Variants in PRRC1 observed in about 807,000 individuals in gnomAD.
The protein encoded by PRRC1 is protein PRRC1.
PRRC1 carries 39 observed loss-of-function variants against 40.7 expected under a neutral mutation model. That is an observed-to-expected ratio of 0.96 (90% CI 0.74 to 1.25). The LOEUF is 1.25. Ranked by LOEUF, PRRC1 falls within the 50% of genes most tolerant of loss-of-function variation. The pLI is 0.00. For missense variants in PRRC1, 573 were observed against 548.3 expected, an observed-to-expected ratio of 1.05 and a Z score of -0.45; for synonymous variants, 175 against 193.3, an observed-to-expected ratio of 0.91 and a Z score of 0.79.
At chr5:127,535,196 C>T (rs1341961030) in intron 6 of PRRC1, among the ~76,000 whole-genome samples, 1 of 152,146 alleles carries the variant, frequency 6.6e-6, no homozygotes, top group East Asian at 1.9e-4. Flanking sequence ...CATACATGCA[C>T]ATATTTTTGA....
chr5:127,547,739 T>C, intron 7 of PRRC1, 80 bp from the exon 8 acceptor site: 3 of 887,950 alleles, frequency 3.4e-6, no homozygotes, highest in Non-Finnish European at 5.4e-6. Flanking sequence ...TGAATAATAG[T>C]ACTTGTTTTT....
In PRRC1 at chr5:127,524,677, C is replaced by T; in HGVS notation, c.250C>T (p.Pro84Ser). The T allele has an allele frequency of 2.5e-6, 4 of 1,614,156 alleles. No individual in the cohort carries two copies. The highest frequency in any genetic ancestry group is 3.4e-6 in the Non-Finnish European group (4 of 1,180,030). Residue 84 changes from proline to serine, a missense_variant, in exon 3 of 9, where the codon CCA becomes TCA. Coordinates refer to ENST00000296666, the MANE Select transcript of PRRC1 (RefSeq NM_130809.5). Reference protein sequence around the residue: ...FVPPPAVPSVPPLVTSMPPPV... With the variant: ...FVPPPAVPSVSPLVTSMPPPV... ...GCCTCCTCCTGCAGTTCCTTCTGTC[C>T]CACCACTTGTTACTTCTATGCCACC...
rs1047257609 is a variant in PRRC1 at position 127,551,707 on chromosome 5, G to C, written c.1129G>C (p.Ala377Pro). ...TPVPLEFVQQ[A>P]QSLTPQDYNL... ...TAATATCAATTTCATCTTTCCACAG[G>C]CTCAAAGTCTAACTCCCCAGGACTA... Residue 377 changes from alanine (A) to proline (P), a missense_variant and splice_region_variant, in exon 9 of 9, where the codon GCT becomes CCT. Ala to Pro is a conservative substitution (Grantham distance 27). Transcript: ENST00000296666. 5.0e-6 allele frequency: 8 copies of C among 1,613,780 alleles called. No homozygotes were observed. Among genetic ancestry groups the C allele is most frequent in the Non-Finnish European group, 6.8e-6 (8 of 1,179,822 alleles).
chr5:127,523,530 A>G lies in PRRC1; in HGVS notation c.51A>G (p.Pro17=). 5.0e-6 allele frequency: 8 copies of G among 1,613,370 alleles called. No individual in the cohort carries two copies. The highest frequency in any genetic ancestry group is 6.8e-6 in the Non-Finnish European group (8 of 1,179,814). The part of the protein sequence containing the change: ...IETTPPGTPP[P]NPAGLAATAM... The stretch of plus-strand genomic sequence containing the variant: ...CAACACCACCTGGGACTCCTCCACC[A>G]AATCCTGCAGGGCTGGCTGCTACTG... The change falls in exon 2 of 9, where the codon CCA becomes CCG. Residue 17 remains proline, a synonymous_variant. Coordinates refer to ENST00000296666, the MANE Select transcript of PRRC1 (RefSeq NM_130809.5).
intron 1 of PRRC1, among the ~76,000 whole-genome samples, chr5:127,519,290 T>C (rs564387500): frequency 6.6e-6 from 1 of 152,324 alleles, no homozygotes; most frequent in Admixed American, 6.5e-5. Context: ...AGGTACTGAA[T>C]GAAAGGATTC....
At chr5:127,538,992 A>G in intron 6 of PRRC1, 48 bp from the exon 7 acceptor site, 1 of 1,311,126 alleles carries the variant, frequency 7.6e-7, no homozygotes. Flanking sequence ...AGTATATTTA[A>G]TATGTAATAA....
Position 127,523,575 on chromosome 5 carries a change from TC to T in PRRC1, c.98del (p.Pro33HisfsTer2). Reference protein sequence around the residue: ...AATAMSSTPVPLAATSSFSSP... With the variant: ...AATAMSSTPVXLAATSSFSSP... ...CTACTGCTATGTCTTCTACCCCTGT[TC>T]CATTAGGTACATGTAGTTGTCTAAC... On this transcript the variant is annotated frameshift_variant, in exon 2 of 9. Coordinates refer to ENST00000296666, the MANE Select transcript of PRRC1 (RefSeq NM_130809.5). LOFTEE classifies it high-confidence loss of function. 6.2e-7 allele frequency: 1 copy of T among 1,602,036 alleles called. No individual in the cohort carries two copies. Among genetic ancestry groups the T allele is most frequent in the Non-Finnish European group, 8.5e-7 (1 of 1,173,166 alleles).
chr5:127,530,281 T>C lies in PRRC1; in HGVS notation c.655-13T>C. ...TTAGAGTGAATACTTACATATTGAT[T>C]TGTTTTATGCAGGGTGTGGCTGGGA... On this transcript the variant is annotated splice_polypyrimidine_tract_variant and intron_variant, in intron 4 of 8. Coordinates refer to ENST00000296666, the MANE Select transcript of PRRC1 (RefSeq NM_130809.5). 1 of 1,607,470 alleles carries C rather than the reference T, an allele frequency of 6.2e-7. No homozygotes were observed. Among genetic ancestry groups the C allele is most frequent in the Non-Finnish European group, 8.5e-7 (1 of 1,175,478 alleles).
intron 6 of PRRC1, 27 bp from the exon 7 acceptor site, chr5:127,539,013 T>C (rs1311831878): frequency 1.3e-6 from 2 of 1,539,528 alleles, no homozygotes; most frequent in Middle Eastern, 1.7e-4. Context: ...TTTGAAATGG[T>C]CTCTAACCTC....
At chr5:127,526,583 A>G (rs1767619268) in intron 3 of PRRC1, 35 bp from the exon 4 acceptor site, 1 of 1,557,378 alleles carries the variant, frequency 6.4e-7, no homozygotes. Flanking sequence ...TTTATGGAAT[A>G]AATTATACAT....
intron 8 of PRRC1, chr5:127,549,485 A>C (rs1768315209): frequency 6.6e-6 from 1 of 152,236 alleles, no homozygotes; most frequent in Non-Finnish European, 1.5e-5. Context: ...GAAAGGAGAA[A>C]AAAGATTTTG....
At chr5:127,530,886 A>G (rs1006319940) in intron 5 of PRRC1, among the ~76,000 whole-genome samples, 3 of 152,136 alleles carry the variant, frequency 2.0e-5, no homozygotes, top group African/African-American at 7.2e-5. Context: ...ATTTTTAACC[A>G]CCTCTGAACA....
intron 8 of PRRC1, chr5:127,548,267 TCATTTCCACTGTTATCTC>T: frequency 2.1e-6 from 1 of 467,154 alleles, no homozygotes; most frequent in East Asian, 3.5e-5. Context: ...ATCTCACATT[TCATTTCCACTGTTATCTC>T]CATTTCCCTT....
intron 1 of PRRC1, 34 bp downstream of exon 1, chr5:127,517,810 AG>A: frequency 6.6e-6 from 1 of 152,468 alleles, no homozygotes; most frequent in Non-Finnish European, 1.5e-5. Context: ...GGCGTGTATG[AG>A]GGGGGTGGCA....
At chr5:127,540,929 G>C (rs1017630663) in intron 7 of PRRC1, among the ~76,000 whole-genome samples, 2 of 152,120 alleles carry the variant, frequency 1.3e-5, no homozygotes, top group Non-Finnish European at 2.9e-5. Context: ...AGTGGTGAGA[G>C]AGGGCATCCC....
At chr5:127,549,124 T>TG (rs1162789801) in intron 8 of PRRC1, 1 of 150,622 alleles carries the variant, frequency 6.6e-6, no homozygotes, top group African/African-American at 2.5e-5. Flanking sequence ...TCAGCTTAAT[T>TG]GAAGCATTAA....
intron 8 of PRRC1, 33 bp downstream of exon 8, chr5:127,547,954 C>T (rs964073725): frequency 7.6e-7 from 1 of 1,318,700 alleles, no homozygotes; most frequent in Non-Finnish European, 1.1e-6. Flanking sequence ...TCATTATGCT[C>T]CAGAGAAACT....
chr5:127,535,068 A>C (rs1037222473), intron 6 of PRRC1, among the ~76,000 whole-genome samples: 4 of 146,860 alleles, frequency 2.7e-5, no homozygotes, highest in African/African-American at 1.0e-4. Context: ...ATACTGAGCC[A>C]TTGCTCCCAG....
chr5:127,551,731 T>C lies in PRRC1; in HGVS notation c.1153T>C (p.Tyr385His). The change falls in exon 9 of 9, where the codon TAT becomes CAT. Residue 385 changes from tyrosine to histidine, a missense_variant. Coordinates refer to ENST00000296666, the MANE Select transcript of PRRC1 (RefSeq NM_130809.5). Reference sequence around the variant, plus strand: ...GGCTCAAAGTCTAACTCCCCAGGACTATAATCTGAGGTGGTCAGGCCTTTT... The same window carrying C: ...GGCTCAAAGTCTAACTCCCCAGGACCATAATCTGAGGTGGTCAGGCCTTTT... ...QQAQSLTPQD[Y>H]NLRWSGLLVT... 1 of 1,614,112 alleles carries C rather than the reference T, an allele frequency of 6.2e-7. No individual in the cohort carries two copies.
Sources: allele counts gnomAD v4.1 joint callset (sites outside exome capture counted in the v4.1 genomes callset), GRCh38; gene constraint gnomAD v4.1.1; transcripts MANE v1.5; gene names NCBI Gene and HGNC (gene_info 2026-07-23, HGNC 2026-07-21).